Variants in MEIOB observed in about 807,000 individuals in gnomAD.
The protein encoded by MEIOB is meiosis specific with OB-fold, also known as meiosis-specific with OB domain-containing protein.
MEIOB carries 50 observed loss-of-function variants against 53.1 expected under a neutral mutation model. That is an observed-to-expected ratio of 0.94 (90% CI 0.75 to 1.19). The LOEUF is 1.19. Ranked by LOEUF, MEIOB falls within the 50% of genes most tolerant of loss-of-function variation. The pLI is 0.00. For synonymous variants in MEIOB, 192 were observed against 182.5 expected, an observed-to-expected ratio of 1.05 and a Z score of -0.42; for missense variants, 551 against 550.8, an observed-to-expected ratio of 1.00 and a Z score of 0.00.
At position 1,850,926 on chromosome 16, in the gene MEIOB, A is replaced by T. The variant is rs1198178472; in HGVS notation, c.778+2113T>A. Among the ~76,000 whole-genome samples the T allele has an allele frequency of 4.6e-5, 7 of 152,320 alleles. No homozygotes were observed. The East Asian group carries it at 1.2e-3, about 25-fold the overall frequency. On this transcript the variant is annotated intron_variant, in intron 9 of 13. Transcript: ENST00000325962. ...ACAGAGTGAGACTGTCTCAAAAAAA[A>T]TAAAATAAATAAAATTAAATTAAAA...
chr16:1,867,480 T>C (rs1270388810), intron 2 of MEIOB, among the ~76,000 whole-genome samples: 1 of 142,168 alleles, frequency 7.0e-6, no homozygotes, highest in Non-Finnish European at 1.5e-5. Context: ...TTTTTTTTTT[T>C]TTTTTTTTTT....
intron 1 of MEIOB, among the ~76,000 whole-genome samples, chr16:1,868,542 CAAAAT>C (rs71148104): frequency 2.0e-5 from 3 of 150,404 alleles, no homozygotes; most frequent in African/African-American, 4.9e-5. Context: ...ATAAATAAAA[CAAAAT>C]AAAATAAAAT....
chr16:1,865,552 T>G (rs1429258198), intron 3 of MEIOB, among the ~76,000 whole-genome samples: 1 of 151,610 alleles, frequency 6.6e-6, no homozygotes, highest in South Asian at 2.1e-4. Flanking sequence ...TAAACATATA[T>G]ACACATATGT....
chr16:1,856,682 G>A (rs1470153589), intron 6 of MEIOB, among the ~76,000 whole-genome samples: 3 of 150,496 alleles, frequency 2.0e-5, no homozygotes, highest in Non-Finnish European at 2.9e-5. Context: ...GGCTGGTCTC[G>A]AACTCCTGAC....
At chr16:1,866,088 T>A (rs1351103346) in intron 2 of MEIOB, among the ~76,000 whole-genome samples, 1 of 152,228 alleles carries the variant, frequency 6.6e-6, no homozygotes, top group Non-Finnish European at 1.5e-5. Flanking sequence ...TATTTCTACT[T>A]TATTTTCAAT....
intron 9 of MEIOB, among the ~76,000 whole-genome samples, chr16:1,850,209 C>T (rs1403514761): frequency 3.9e-5 from 6 of 152,148 alleles, no homozygotes; most frequent in Non-Finnish European, 7.3e-5. Context: ...TCAGACAAAT[C>T]TGTCTTTTAG....
At chr16:1,836,041 GC>G (rs1450068914) in intron 13 of MEIOB, among the ~76,000 whole-genome samples, 2 of 151,942 alleles carry the variant, frequency 1.3e-5, no homozygotes, top group African/African-American at 4.8e-5. Flanking sequence ...TGTAGTTTTA[GC>G]AGAGATGGGG....
intron 6 of MEIOB, among the ~76,000 whole-genome samples, chr16:1,856,094 A>G (rs1899292193): frequency 6.6e-6 from 1 of 151,696 alleles, no homozygotes; most frequent in African/African-American, 2.4e-5. Flanking sequence ...TCCTGGGTTC[A>G]AGTAATTCTC....
chr16:1,855,908 A>G (rs1899286880), intron 6 of MEIOB, among the ~76,000 whole-genome samples: 1 of 147,350 alleles, frequency 6.8e-6, no homozygotes, highest in African/African-American at 2.5e-5. Context: ...TACATGAACT[A>G]TCATAAGCAT....
intron 10 of MEIOB, among the ~76,000 whole-genome samples, chr16:1,844,497 G>A (rs1898984839): frequency 6.6e-6 from 1 of 151,294 alleles, no homozygotes; most frequent in Non-Finnish European, 1.5e-5. Context: ...CCAGGCTGGA[G>A]TGTAGCCTCG....
intron 5 of MEIOB, among the ~76,000 whole-genome samples, chr16:1,858,564 A>C (rs1400174645): frequency 6.6e-6 from 1 of 152,112 alleles, no homozygotes; most frequent in Non-Finnish European, 1.5e-5. Context: ...CCTACAGTCC[A>C]TCCTCCATAA....
At chr16:1,864,485 TTC>T (rs1491214478) in intron 3 of MEIOB, among the ~76,000 whole-genome samples, 17,202 of 144,316 alleles carry the variant, frequency 0.12, 1,178 homozygotes, top group South Asian at 0.15. Context: ...TCTTTTTCTT[TTC>T]TTTTTTTTTT....
intron 6 of MEIOB, among the ~76,000 whole-genome samples, 176 bp from the exon 7 acceptor site, chr16:1,854,376 C>A (rs756804089): frequency 6.6e-6 from 1 of 152,232 alleles, no homozygotes; most frequent in Non-Finnish European, 1.5e-5. Flanking sequence ...ACTACATGTA[C>A]GTAGCTGAAG....
intron 9 of MEIOB, among the ~76,000 whole-genome samples, chr16:1,846,284 G>A (rs918250558): frequency 2.6e-5 from 4 of 152,134 alleles, no homozygotes; most frequent in African/African-American, 9.7e-5. Flanking sequence ...CCTGTGATGG[G>A]GGCTGGCAGG....
chr16:1,855,700 T>C (rs1047116670), intron 6 of MEIOB, among the ~76,000 whole-genome samples: 3 of 152,206 alleles, frequency 2.0e-5, no homozygotes, highest in African/African-American at 7.2e-5. Flanking sequence ...AACAACTGAA[T>C]AGGATTGAAC....
rs1899640047 is a variant in MEIOB at position 1,868,145 on chromosome 16, T to A, written c.31A>T (p.Thr11Ser). ...TTTGTCTGCAGATCTGAAAGGGTAG[T>A]GAAAATCCTCGCTGCAAAGGAGTTT... The part of the protein sequence containing the change: MANSFAARIF[T>S]TLSDLQTNMA... Residue 11 changes from threonine to serine, a missense_variant, in exon 2 of 14, where the codon ACT becomes TCT. Transcript: ENST00000325962. 5 of 1,534,930 alleles carry A rather than the reference T, an allele frequency of 3.3e-6. No homozygotes were observed. The highest frequency in any genetic ancestry group is 4.4e-6 in the Non-Finnish European group (5 of 1,135,284).
chr16:1,864,482 CTTTTCTT>C (rs1899533060), intron 3 of MEIOB, among the ~76,000 whole-genome samples: 1 of 35,418 alleles, frequency 2.8e-5, no homozygotes, highest in African/African-American at 1.1e-4. Context: ...ATTTCTTTTT[CTTTTCTT>C]TTTTTTTTTT....
Position 1,860,436 on chromosome 16 carries a change from T to C in MEIOB, c.299A>G (p.Glu100Gly), listed in dbSNP as rs1899413683. The change falls in exon 5 of 14, where the codon GAA becomes GGA. Residue 100 changes from glutamate (E) to glycine (G), a missense_variant. Transcript: ENST00000325962. ...ENPLIQRKEIEREEKFSPATP... is the reference protein window; with the variant it reads ...ENPLIQRKEIGREEKFSPATP... ...TGCAGGGCTGAATTTTTCTTCTCTT[T>C]CTATTTCCTTTCTTTGGATCAGAGG... 2 of 1,547,272 alleles carry C rather than the reference T, an allele frequency of 1.3e-6. No individual in the cohort carries two copies. The highest frequency in any genetic ancestry group is 2.4e-5 in the South Asian group (2 of 83,972).
At chr16:1,868,073 T>A (rs1380738427) in intron 2 of MEIOB, 34 bp downstream of exon 2, 1 of 1,129,744 alleles carries the variant, frequency 8.9e-7, no homozygotes, top group African/African-American at 1.5e-5. Context: ...TAAAATGTCA[T>A]CAGTAAGCAA....
Sources: allele counts gnomAD v4.1 joint callset (sites outside exome capture counted in the v4.1 genomes callset), GRCh38; gene constraint gnomAD v4.1.1; transcripts MANE v1.5; gene names NCBI Gene and HGNC (gene_info 2026-07-23, HGNC 2026-07-21).